CACNA1C: variants seen among roughly 807,000 people sequenced by gnomAD.
The protein encoded by CACNA1C is calcium voltage-gated channel subunit alpha1 C, also known as voltage-dependent L-type calcium channel subunit alpha-1C.
CACNA1C carries 30 observed loss-of-function variants against 229.0 expected under a neutral mutation model. The observed-to-expected ratio is 0.13, with a 90% CI of 0.10 to 0.18. CACNA1C has a LOEUF of 0.18. Among genes scored for constraint, CACNA1C ranks in the 10% least tolerant of loss-of-function variants. CACNA1C has a pLI of 1.00. For synonymous variants in CACNA1C, 1,114 were observed against 1,132.5 expected, an observed-to-expected ratio of 0.98 and a Z score of 0.33; for missense variants, 1,658 against 2,845.0, an observed-to-expected ratio of 0.58 and a Z score of 9.49.
chr12:2,581,025 C>T (rs560003333), intron 13 of CACNA1C, among the ~76,000 whole-genome samples: 15 of 152,342 alleles, frequency 9.8e-5, no homozygotes, highest in African/African-American at 2.6e-4. Flanking sequence ...CTCTCTTACC[C>T]GTGGGTGACC....
At chr12:2,308,278 A>G (rs916037236) in intron 3 of CACNA1C, among the ~76,000 whole-genome samples, 8 of 152,230 alleles carry the variant, frequency 5.3e-5, no homozygotes, top group African/African-American at 1.9e-4. Context: ...ATTGAGATGT[A>G]TGAATATATT....
chr12:2,648,563 C>A, intron 31 of CACNA1C, 56 bp downstream of exon 31: 2 of 1,510,072 alleles, frequency 1.3e-6, no homozygotes, highest in South Asian at 1.1e-5. Flanking sequence ...TCTAACACCC[C>A]CACTCTCCCC....
intron 3 of CACNA1C, among the ~76,000 whole-genome samples, chr12:2,135,621 G>T (rs1284388261): frequency 9.3e-5 from 13 of 140,062 alleles, no homozygotes; most frequent in African/African-American, 3.6e-4. Context: ...GGCTGCTCAG[G>T]GGTCAGGGGT....
intron 3 of CACNA1C, among the ~76,000 whole-genome samples, chr12:2,426,694 G>A (rs1046077624): frequency 6.6e-6 from 1 of 152,244 alleles, no homozygotes; most frequent in Admixed American, 6.5e-5. Flanking sequence ...ACCTAGCAGG[G>A]CTCCACTGAT....
chr12:2,582,251 C>T (rs182893425), intron 14 of CACNA1C, among the ~76,000 whole-genome samples: 11 of 151,846 alleles, frequency 7.2e-5, no homozygotes, highest in Admixed American at 1.3e-4. Context: ...GGGAGGGTGA[C>T]GAAACCCTGG....
chr12:2,100,635 T>TAGTC (rs2076033414), intron 1 of CACNA1C, among the ~76,000 whole-genome samples: 1 of 148,544 alleles, frequency 6.7e-6, no homozygotes, highest in South Asian at 2.2e-4. Flanking sequence ...CTCATGCCTG[T>TAGTC]AGTCCCAGCT....
rs2062230533 is a variant in CACNA1C at position 2,585,886 on chromosome 12, C to T, written c.2512C>T (p.Pro838Ser). The T allele has an allele frequency of 2.5e-6, 4 of 1,602,532 alleles. No homozygotes were observed. The highest frequency in any genetic ancestry group is 2.2e-5 in the East Asian group (1 of 44,550). Reference sequence around the variant, plus strand: ...TGAAAATGAGGATAAGAGCCCCTACCCCAACCCAGAAACTACAGGTACCAG... The same window carrying T: ...TGAAAATGAGGATAAGAGCCCCTACTCCAACCCAGAAACTACAGGTACCAG... ...PNENEDKSPY[P>S]NPETTGEEDE... Residue 838 changes from proline (P) to serine (S), a missense_variant, in exon 18 of 47, where the codon CCC becomes TCC. Coordinates refer to ENST00000399655, the MANE Select transcript of CACNA1C (RefSeq NM_000719.7). The surrounding 1 kb of genome is among the most constrained non-coding windows in gnomAD (Gnocchi z 4.1).
In CACNA1C at chr12:2,585,810, C is replaced by T. The variant is rs747172370; in HGVS notation, c.2461-25C>T. On this transcript the variant is annotated intron_variant, in intron 17 of 46. Transcript: ENST00000399655. This position sits in a 1 kb window ranked among gnomAD's most constrained non-coding sequence, Gnocchi z 4.1. ...TTGGGGACGTATCTAACTATTCTTC[C>T]CCCTTCTCCCCTGTGACTGTCTAGA... 1.3e-6 allele frequency: 2 copies of T among 1,557,822 alleles called. No homozygotes were observed. The highest frequency in any genetic ancestry group is 1.1e-5 in the South Asian group (1 of 87,240).
intron 1 of CACNA1C, chr12:2,020,307 T>C (rs1315791672): frequency 6.6e-6 from 1 of 152,168 alleles, no homozygotes; most frequent in Admixed American, 6.5e-5. Context: ...TCAGATACAA[T>C]ACTGAGGATC....
At chr12:2,547,495 C>G in intron 9 of CACNA1C, 1 of 779,722 alleles carries the variant, frequency 1.3e-6, no homozygotes, top group Non-Finnish European at 2.4e-6. Context: ...GGGAAGTTTG[C>G]TTGGTTTAGT....
chr12:2,469,447 G>A (rs1315333613), intron 5 of CACNA1C, among the ~76,000 whole-genome samples: 1 of 152,242 alleles, frequency 6.6e-6, no homozygotes, highest in African/African-American at 2.4e-5. Context: ...CATAGGAGGT[G>A]TCAAGCTGTT....
chr12:2,360,703 G>A (rs555255811), intron 3 of CACNA1C, among the ~76,000 whole-genome samples: 15 of 152,308 alleles, frequency 9.8e-5, no homozygotes, highest in Non-Finnish European at 2.1e-4. Context: ...GGAGACACCC[G>A]GACTGGACAG....
At chr12:2,170,755 G>A (rs1238987512) in intron 3 of CACNA1C, among the ~76,000 whole-genome samples, 1 of 152,218 alleles carries the variant, frequency 6.6e-6, no homozygotes, top group African/African-American at 2.4e-5. Context: ...ACGTTCACTG[G>A]GAAGCAAGGA....
At chr12:2,232,236 T>G (rs1239636720) in intron 3 of CACNA1C, among the ~76,000 whole-genome samples, 4 of 142,546 alleles carry the variant, frequency 2.8e-5, no homozygotes, top group Non-Finnish European at 6.1e-5. Flanking sequence ...TGTTTTTTTT[T>G]TTTTTTTTTT....
chr12:2,178,976 C>T (rs558492061), intron 3 of CACNA1C, among the ~76,000 whole-genome samples: 40 of 152,240 alleles, frequency 2.6e-4, no homozygotes, highest in African/African-American at 9.6e-4. Context: ...GCAGGAGAAT[C>T]GCTTGAACCC....
chr12:2,199,651 A>G (rs1490725148), intron 3 of CACNA1C, among the ~76,000 whole-genome samples: 1 of 152,046 alleles, frequency 6.6e-6, no homozygotes, highest in African/African-American at 2.4e-5. Context: ...CAGTCCCCAC[A>G]TTGTTTAGGG....
intron 3 of CACNA1C, among the ~76,000 whole-genome samples, chr12:2,185,562 TTGGACACAGACACACA>T (rs751261647): frequency 2.6e-5 from 4 of 152,084 alleles, no homozygotes; most frequent in Admixed American, 6.5e-5. Context: ...AAGAAGAAAC[TTGGACACAGACACACA>T]TGGACACAGA....
In CACNA1C at chr12:2,512,239, G is replaced by A. The variant is rs2099785961; in HGVS notation, c.1218-573G>A. Among the ~76,000 whole-genome samples, 1 of 152,134 alleles carries A rather than the reference G, an allele frequency of 6.6e-6. No individual in the cohort carries two copies. The highest frequency in any genetic ancestry group is 6.5e-5 in the Admixed American group (1 of 15,280). ...CCATGGTGTAAATATTCCCACTGTG[G>A]CCGATCTCAAGCTACCAGCGAGACA... On this transcript the variant is annotated intron_variant, in intron 8 of 46. Transcript: ENST00000399655. The surrounding 1 kb of genome is among the most constrained non-coding windows in gnomAD (Gnocchi z 4.3).
intron 9 of CACNA1C, among the ~76,000 whole-genome samples, chr12:2,535,704 T>TAAAAATAAAAA (rs2099852488): frequency 5.5e-5 from 2 of 36,538 alleles, no homozygotes; most frequent in African/African-American, 1.8e-4. Flanking sequence ...AGACCCTGTC[T>TAAAAATAAAAA]AAAAAAAAAA....
Sources: allele counts gnomAD v4.1 joint callset (sites outside exome capture counted in the v4.1 genomes callset), GRCh38; gene constraint gnomAD v4.1.1; non-coding constraint Gnocchi (gnomAD v3.1); transcripts MANE v1.5; gene names NCBI Gene and HGNC (gene_info 2026-07-23, HGNC 2026-07-21).